SYN3: variants seen among roughly 807,000 people sequenced by gnomAD.
SYN3 encodes the protein synapsin-3.
SYN3 carries 35 observed loss-of-function variants against 65.8 expected under a neutral mutation model. The ratio of observed to expected loss-of-function variants is 0.53; its 90% CI spans 0.41 to 0.70. SYN3 has a LOEUF of 0.70. SYN3 is among the 30% of genes least tolerant of loss of function. The probability of loss-of-function intolerance (pLI) is 0.00; values close to 1 mark genes in which losing one functional copy is unlikely to be tolerated. For synonymous variants in SYN3, 270 were observed against 292.9 expected, an observed-to-expected ratio of 0.92 and a Z score of 0.80; for missense variants, 680 against 749.0, an observed-to-expected ratio of 0.91 and a Z score of 1.08.
chr22:32,606,374 C>T (rs1420283508), intron 6 of SYN3, among the ~76,000 whole-genome samples: 3 of 152,194 alleles, frequency 2.0e-5, no homozygotes, highest in African/African-American at 7.2e-5. Context: ...CTTCATAAAG[C>T]TTAACCTTGC....
chr22:33,058,070 C>T (rs1249570414), intron 1 of SYN3, among the ~76,000 whole-genome samples: 2 of 152,090 alleles, frequency 1.3e-5, no homozygotes, highest in African/African-American at 4.8e-5. Context: ...GTCCCAGGGA[C>T]CGGCCCAGGG....
chr22:32,954,334 C>T (rs1315838009), intron 3 of SYN3, among the ~76,000 whole-genome samples: 1 of 152,176 alleles, frequency 6.6e-6, no homozygotes, highest in Non-Finnish European at 1.5e-5. Context: ...TCTCTCCCCA[C>T]CTCCAGAGCT....
chr22:32,994,619 TTG>T (rs1278913252), intron 2 of SYN3, among the ~76,000 whole-genome samples: 4 of 151,786 alleles, frequency 2.6e-5, no homozygotes, highest in South Asian at 4.2e-4. Context: ...CAACAGAGAG[TTG>T]TGTGTCTCCA....
chr22:32,569,912 A>G (rs887885886), intron 7 of SYN3, among the ~76,000 whole-genome samples: 1 of 152,220 alleles, frequency 6.6e-6, no homozygotes, highest in Admixed American at 6.5e-5. Flanking sequence ...CACCTTTATC[A>G]AAAAGGTATC....
At chr22:32,848,627 T>A (rs2048134978) in intron 6 of SYN3, among the ~76,000 whole-genome samples, 1 of 152,238 alleles carries the variant, frequency 6.6e-6, no homozygotes, top group Non-Finnish European at 1.5e-5. Flanking sequence ...ATTTGTCTAG[T>A]GCAAACTATG....
chr22:32,526,920 C>A (rs770356181), intron 12 of SYN3, among the ~76,000 whole-genome samples: 1 of 152,140 alleles, frequency 6.6e-6, no homozygotes, highest in African/African-American at 2.4e-5. Flanking sequence ...GGTGCCAGAG[C>A]GAGTGTGCCC....
At chr22:32,663,368 G>C (rs1306311802) in intron 6 of SYN3, among the ~76,000 whole-genome samples, 1 of 145,260 alleles carries the variant, frequency 6.9e-6, no homozygotes, top group Non-Finnish European at 1.5e-5. Flanking sequence ...GCGCCATCTT[G>C]GCTCACTGCA....
chr22:32,816,773 G>A (rs2047096829), intron 6 of SYN3, among the ~76,000 whole-genome samples: 1 of 152,166 alleles, frequency 6.6e-6, no homozygotes, highest in Non-Finnish European at 1.5e-5. Context: ...TTGCTGAGAA[G>A]AATTAAGGTC....
intron 6 of SYN3, among the ~76,000 whole-genome samples, chr22:32,849,009 A>G (rs1167135980): frequency 1.3e-5 from 2 of 152,180 alleles, no homozygotes; most frequent in African/African-American, 4.8e-5. Context: ...AATGCATGCA[A>G]AGGAAGAGCC....
chr22:32,564,638 GGTGCTCCCGGACTGTACACAAACA>G (rs2058634470), intron 7 of SYN3, among the ~76,000 whole-genome samples: 1 of 123,204 alleles, frequency 8.1e-6, no homozygotes, highest in Non-Finnish European at 1.7e-5. Context: ...GCACCCAAAC[GGTGCTCCCGGACTGTACACAAACA>G]GTGCTCCCAG....
chr22:32,663,100 G>C (rs893178340), intron 6 of SYN3, among the ~76,000 whole-genome samples: 1 of 152,154 alleles, frequency 6.6e-6, no homozygotes, highest in Non-Finnish European at 1.5e-5. Flanking sequence ...TTGGAAGAAT[G>C]TGTGTGCATC....
At position 32,674,711 on chromosome 22, in the gene SYN3, G is replaced by A. The variant is rs373411508; in HGVS notation, c.712-77975C>T. 4.1e-3 allele frequency among the ~76,000 whole-genome samples: 620 copies of A among 152,208 alleles called. 2 individuals carry two copies. Among genetic ancestry groups the A allele is most frequent in the African/African-American group, 0.014 (575 of 41,516 alleles). On this transcript the variant is annotated intron_variant, in intron 6 of 13. Coordinates refer to ENST00000358763, the MANE Select transcript of SYN3 (RefSeq NM_003490.4). ...CCAGAATGGAGAGAAGAGGGATAAT[G>A]GCATATGTATGCACACATAGGTATG...
rs1197262029 is a variant in SYN3, at chr22:32,508,721, A to C, written c.*4971T>G. Among the ~76,000 whole-genome samples, 1 of 152,146 alleles carries C rather than the reference A, an allele frequency of 6.6e-6. No homozygotes were observed. Among genetic ancestry groups the C allele is most frequent in the East Asian group, 1.9e-4 (1 of 5,194 alleles). Reference sequence around the variant, plus strand: ...TCTTAGAAAAACATCTTTTTACTTCAATCTTAATACTTTTGTTTGGATTTT... The same window carrying C: ...TCTTAGAAAAACATCTTTTTACTTCCATCTTAATACTTTTGTTTGGATTTT... On this transcript the variant is annotated 3_prime_UTR_variant, in exon 14 of 14. Coordinates refer to ENST00000358763, the MANE Select transcript of SYN3 (RefSeq NM_003490.4).
chr22:32,657,662 G>C (rs1403396908), intron 6 of SYN3, among the ~76,000 whole-genome samples: 1 of 152,196 alleles, frequency 6.6e-6, no homozygotes, highest in African/African-American at 2.4e-5. Context: ...GCTGCAGACT[G>C]TGCTCTCCGG....
At chr22:32,857,721 A>C (rs1041582129) in intron 6 of SYN3, among the ~76,000 whole-genome samples, 3 of 152,198 alleles carry the variant, frequency 2.0e-5, no homozygotes, top group African/African-American at 7.2e-5. Context: ...GAGAAAACAA[A>C]AACAAAAATC....
At chr22:32,545,855 C>A (rs2058329479) in intron 7 of SYN3, among the ~76,000 whole-genome samples, 1 of 152,204 alleles carries the variant, frequency 6.6e-6, no homozygotes, top group Non-Finnish European at 1.5e-5. Flanking sequence ...GCCCGGGTAT[C>A]TTATACACAG....
chr22:32,675,145 A>C (rs2060422364), intron 6 of SYN3, among the ~76,000 whole-genome samples: 1 of 152,202 alleles, frequency 6.6e-6, no homozygotes, highest in Non-Finnish European at 1.5e-5. Flanking sequence ...GCAATGTCCC[A>C]GGAGGCCTCT....
intron 7 of SYN3, among the ~76,000 whole-genome samples, chr22:32,587,839 C>T (rs1601703599): frequency 6.6e-6 from 1 of 152,132 alleles, no homozygotes; most frequent in East Asian, 1.9e-4. Context: ...CATCATTACT[C>T]TAGGGTCTTC....
At chr22:32,650,263 C>T (rs1426468277) in intron 6 of SYN3, among the ~76,000 whole-genome samples, 35 of 119,694 alleles carry the variant, frequency 2.9e-4, no homozygotes, top group South Asian at 9.5e-4. Flanking sequence ...CCCTCCCTCT[C>T]TCTCTCTCTC....
Sources: allele counts gnomAD v4.1 joint callset (sites outside exome capture counted in the v4.1 genomes callset), GRCh38; gene constraint gnomAD v4.1.1; transcripts MANE v1.5; gene names NCBI Gene and HGNC (gene_info 2026-07-23, HGNC 2026-07-21).